The following ZSCAN1 variants were observed in gnomAD, a reference collection of about 807,000 sequenced individuals.
ZSCAN1 encodes the protein zinc finger and SCAN domain-containing protein 1.
In ZSCAN1, 23 loss-of-function variants were observed where a neutral mutation model predicts 23.8. That is an observed-to-expected ratio of 0.97 (90% CI 0.70 to 1.37). The LOEUF (loss-of-function observed/expected upper bound fraction) is 1.37, where lower values mean the gene tolerates loss of function less well. Ranked by LOEUF, ZSCAN1 falls within the 40% of genes most tolerant of loss-of-function variation. The pLI, the probability that ZSCAN1 is intolerant of heterozygous loss-of-function variation, is 0.00. For missense variants in ZSCAN1, 575 were observed against 554.0 expected (o/e 1.04, Z -0.38); for synonymous variants, 236 against 232.3 (o/e 1.02, Z -0.15).
chr19:58,037,794 C>T lies in ZSCAN1; in HGVS notation c.-43C>T, dbSNP rs1208115332. 11 of 1,433,378 alleles carry T rather than the reference C, an allele frequency of 7.7e-6. No individual in the cohort carries two copies. In the South Asian group the frequency reaches 1.2e-4, roughly 15 times the overall value. The allele number at this position is 1,433,378 out of a possible 1,614,324, so 88.8% of individuals were successfully genotyped here. On this transcript the variant is annotated 5_prime_UTR_variant, in exon 3 of 6. Transcript: ENST00000282326. ...GTCCGGAGCCACTGGGACTCGGGAT[C>T]CAGTCCACACACACCCCTCAGAGGG...
At chr19:58,055,980 C>T (rs1452701718), downstream of ZSCAN1, among the ~76,000 whole-genome samples, 6 of 152,204 alleles carry the variant, frequency 3.9e-5, no homozygotes, top group Non-Finnish European at 8.8e-5. Flanking sequence ...GTTCCCACTC[C>T]CCTCAGAGGG....
downstream of ZSCAN1, among the ~76,000 whole-genome samples, chr19:58,055,797 T>G (rs1034533453): frequency 6.6e-6 from 1 of 152,104 alleles, no homozygotes; most frequent in Non-Finnish European, 1.5e-5. Flanking sequence ...AGAAAGTGGG[T>G]GCCATTGAAC....
Position 58,045,718 on chromosome 19 carries a change from C to G in ZSCAN1, c.465+5174C>G. ...GGCGGCATGTCGGGCACGAGGCATG[C>G]GGGCCCTGGGCGTCAGGGAAAACCA... On this transcript the variant is annotated intron_variant, in intron 4 of 5. Coordinates refer to ENST00000282326, the MANE Select transcript of ZSCAN1 (RefSeq NM_182572.4). This position sits in a 1 kb window ranked among gnomAD's most constrained non-coding sequence, Gnocchi z 4.3. 9.4e-7 allele frequency: 1 copy of G among 1,060,576 alleles called. No individual in the cohort carries two copies. Among genetic ancestry groups the G allele is most frequent in the African/African-American group, 1.6e-5 (1 of 64,268 alleles). The allele number at this position is 1,060,576 out of a possible 1,614,324, so 65.7% of individuals were successfully genotyped here.
Position 58,049,801 on chromosome 19 carries a change from C to T in ZSCAN1, c.466-2689C>T, listed in dbSNP as rs34837055. ...TGCTGGGGTCCCTGGTGGTTCCCAC[C>T]GCGTAGCTGATACTCGTGGCCCCTG... On this transcript the variant is annotated intron_variant, in intron 4 of 5. Transcript: ENST00000282326. The surrounding 1 kb of genome is among the most constrained non-coding windows in gnomAD (Gnocchi z 4.5). Among the ~76,000 whole-genome samples, 364 of 152,176 alleles carry T rather than the reference C, an allele frequency of 2.4e-3. 3 individuals carry two copies. The highest frequency in any genetic ancestry group is 8.2e-3 in the African/African-American group (342 of 41,570).
intron 4 of ZSCAN1, 31 bp from the exon 5 acceptor site, chr19:58,052,459 C>T (rs1427455986): frequency 1.2e-6 from 2 of 1,613,468 alleles, no homozygotes; most frequent in Non-Finnish European, 1.7e-6. Context: ...TGAGGGGCAG[C>T]TGCCGAACAG....
chr19:58,041,586 G>A (rs1211771799), intron 4 of ZSCAN1, among the ~76,000 whole-genome samples: 1 of 152,210 alleles, frequency 6.6e-6, no homozygotes, highest in Non-Finnish European at 1.5e-5. Flanking sequence ...AACAAAATAC[G>A]GCTGGGTGTG....
At position 58,038,146 on chromosome 19, in the gene ZSCAN1, C is replaced by T. The variant is rs376247688; in HGVS notation, c.310C>T (p.Arg104Ter). Residue 104 changes from arginine (R) to a stop codon, truncating the protein, a stop_gained, in exon 3 of 6, where the codon CGA (arginine) becomes TGA (stop). Transcript: ENST00000282326. LOFTEE classifies it high-confidence loss of function. The part of the protein sequence containing the change: ...MRTWVQSQGP[R>*]SCREAASLVE... The stretch of plus-strand genomic sequence containing the variant: ...GACCTGGGTGCAGTCACAGGGCCCC[C>T]GAAGCTGCAGGGAGGCCGCCAGCCT... 8.7e-6 allele frequency: 14 copies of T among 1,609,226 alleles called. No individual in the cohort carries two copies. The highest frequency in any genetic ancestry group is 7.7e-5 in the South Asian group (7 of 90,760).
chr19:58,053,894 CCCGGGAGT>C lies in ZSCAN1; in HGVS notation c.1074_1081del (p.Glu359ProfsTer22). On this transcript the variant is annotated frameshift_variant, in exon 6 of 6. Coordinates refer to ENST00000282326, the MANE Select transcript of ZSCAN1 (RefSeq NM_182572.4). LOFTEE classifies it low-confidence loss of function (END_TRUNC). This position sits in a 1 kb window ranked among gnomAD's most constrained non-coding sequence, Gnocchi z 5.8. ...AAGAAAGCCCCCCGGAGCAAGGGCCCCCGGGAGTCCGTCCCACCCAGGGATGGAGCCCA... is the reference window on the plus strand; with the variant it reads ...AAGAAAGCCCCCCGGAGCAAGGGCCCCCGTCCCACCCAGGGATGGAGCCCA... 1 of 1,613,306 alleles carries C rather than the reference CCCGGGAGT, an allele frequency of 6.2e-7. No homozygotes were observed. Among genetic ancestry groups the C allele is most frequent in the African/African-American group, 1.3e-5 (1 of 75,034 alleles).
At chr19:58,038,261 A>G in intron 3 of ZSCAN1, 55 bp downstream of exon 3, 1 of 1,547,718 alleles carries the variant, frequency 6.5e-7, no homozygotes, top group Non-Finnish European at 8.7e-7. Flanking sequence ...GACGTCTCCG[A>G]GGACCGAACT....
chr19:58,055,085 A>C (rs918858716), downstream of ZSCAN1, among the ~76,000 whole-genome samples: 1 of 152,216 alleles, frequency 6.6e-6, no homozygotes, highest in South Asian at 2.1e-4. Flanking sequence ...AAGCCTTAAA[A>C]GTTTTTGCCT....
At position 58,038,152 on chromosome 19, in the gene ZSCAN1, T is replaced by C. The variant is rs1392710421; in HGVS notation, c.316T>C (p.Cys106Arg). 5.6e-6 allele frequency: 9 copies of C among 1,609,164 alleles called. No homozygotes were observed. The highest frequency in any genetic ancestry group is 7.6e-6 in the Non-Finnish European group (9 of 1,179,116). ...TWVQSQGPRS[C>R]REAASLVEDL... ...GGTGCAGTCACAGGGCCCCCGAAGC[T>C]GCAGGGAGGCCGCCAGCCTGGTGGA... The change falls in exon 3 of 6, where the codon TGC becomes CGC. Residue 106 changes from cysteine to arginine, a missense_variant. Cys to Arg is a radical substitution (Grantham distance 180). Coordinates refer to ENST00000282326, the MANE Select transcript of ZSCAN1 (RefSeq NM_182572.4).
rs373494184 is a variant in ZSCAN1, at chr19:58,054,101, C to G, written c.*50C>G. 5.8e-5 allele frequency: 83 copies of G among 1,439,822 alleles called. No homozygotes were observed. Among genetic ancestry groups the G allele is most frequent in the Non-Finnish European group, 7.2e-5 (79 of 1,098,820 alleles). The allele number at this position is 1,439,822 out of a possible 1,614,324, so 89.2% of individuals were successfully genotyped here. A position where few individuals can be genotyped will look rare whatever the true frequency, so the allele number is the denominator to read the frequency against. On this transcript the variant is annotated 3_prime_UTR_variant, in exon 6 of 6. Transcript: ENST00000282326. This position sits in a 1 kb window ranked among gnomAD's most constrained non-coding sequence, Gnocchi z 4.2. ...CCCGGCCCTGAGTCCCTGGGGGGAG[C>G]TGATGGGCCCCAGAAGATGGGGGAC...
chr19:58,042,480 G>T (rs1439288904), intron 4 of ZSCAN1, among the ~76,000 whole-genome samples: 1 of 151,946 alleles, frequency 6.6e-6, no homozygotes, highest in Non-Finnish European at 1.5e-5. Context: ...GGATGGTCTC[G>T]ATCTCCTGAC....
chr19:58,047,289 G>A lies in ZSCAN1; in HGVS notation c.466-5201G>A, dbSNP rs907968100. On this transcript the variant is annotated intron_variant, in intron 4 of 5. Coordinates refer to ENST00000282326, the MANE Select transcript of ZSCAN1 (RefSeq NM_182572.4). The surrounding 1 kb of genome is among the most constrained non-coding windows in gnomAD (Gnocchi z 4.9). Reference sequence around the variant, plus strand: ...CCTGCATGCTTTTAGTTGGATCTGGGTCACTGTGGAGACAGAGGTATCTGC... The same window carrying A: ...CCTGCATGCTTTTAGTTGGATCTGGATCACTGTGGAGACAGAGGTATCTGC... Among the ~76,000 whole-genome samples, 3 of 152,230 alleles carry A rather than the reference G, an allele frequency of 2.0e-5. No individual in the cohort carries two copies.
Position 58,040,299 on chromosome 19 carries a change from G to A in ZSCAN1, c.371-151G>A, listed in dbSNP as rs1336710509. 8 of 777,758 alleles carry A rather than the reference G, an allele frequency of 1.0e-5. No individual in the cohort carries two copies. Among genetic ancestry groups the A allele is most frequent in the Admixed American group, 4.4e-5 (2 of 44,988 alleles). 48.2% of individuals were successfully genotyped at this position (777,758 alleles called of 1,614,324 possible). ...GGTTCCTGCCCAGCAGCCACATGGAGGGACAGAATGACAGCCCTGCAGCCA... is the reference window on the plus strand; with the variant it reads ...GGTTCCTGCCCAGCAGCCACATGGAAGGACAGAATGACAGCCCTGCAGCCA... On this transcript the variant is annotated intron_variant, in intron 3 of 5. Transcript: ENST00000282326. The surrounding 1 kb of genome is among the most constrained non-coding windows in gnomAD (Gnocchi z 5.8).
chr19:58,048,386 C>T (rs986961110), intron 4 of ZSCAN1, among the ~76,000 whole-genome samples: 3 of 152,276 alleles, frequency 2.0e-5, no homozygotes, highest in African/African-American at 7.2e-5. Flanking sequence ...AAGTTTTCAT[C>T]TGTAATCCCA....
chr19:58,045,915 G>A lies in ZSCAN1; in HGVS notation c.465+5371G>A. On this transcript the variant is annotated intron_variant, in intron 4 of 5. Transcript: ENST00000282326. The surrounding 1 kb of genome is among the most constrained non-coding windows in gnomAD (Gnocchi z 4.3). ...AGATTGTGGCAAAGGAAGCACAGGT[G>A]AAAGTGGCCGAGGTGGAGGGCAAGC... The A allele has an allele frequency of 1.0e-6, 1 of 963,774 alleles. No individual in the cohort carries two copies. The highest frequency in any genetic ancestry group is 1.7e-6 in the Non-Finnish European group (1 of 592,602). The allele number at this position is 963,774 out of a possible 1,614,324, so 59.7% of individuals were successfully genotyped here.
chr19:58,034,774 C>T (rs1013414903), intron 1 of ZSCAN1, among the ~76,000 whole-genome samples: 1 of 144,248 alleles, frequency 6.9e-6, no homozygotes, highest in East Asian at 2.1e-4. Context: ...CCCAACCAGC[C>T]GTCCACAGCC....
downstream of ZSCAN1, among the ~76,000 whole-genome samples, chr19:58,055,374 G>A (rs777365912): frequency 7.2e-5 from 11 of 152,114 alleles, no homozygotes; most frequent in Non-Finnish European, 8.8e-5. Context: ...TTCTCGGAGC[G>A]CCCCCTAACC....
Sources: gnomAD v4.1 joint callset for allele counts (sites outside exome capture counted in the v4.1 genomes callset) on GRCh38, gnomAD v4.1.1 for gene constraint, Gnocchi (gnomAD v3.1) non-coding constraint, MANE v1.5 for transcripts, NCBI Gene and HGNC (gene_info 2026-07-23, HGNC 2026-07-21) for gene names.